The following PLPPR1 variants were observed in gnomAD, a reference collection of about 807,000 sequenced individuals.
The protein encoded by PLPPR1 is phospholipid phosphatase-related protein type 1.
A neutral mutation model predicts 33.1 loss-of-function variants in PLPPR1; 10 were observed. That is an observed-to-expected ratio of 0.30 (90% confidence interval 0.19 to 0.51). The LOEUF is 0.51. PLPPR1 is among the 20% of genes least tolerant of loss of function. The pLI, the probability that PLPPR1 is intolerant of heterozygous loss-of-function variation, is 0.97. For missense variants in PLPPR1, 304 were observed against 408.1 expected (o/e 0.74, Z 2.20); for synonymous variants, 151 against 151.0 (o/e 1.00, Z 0.00).
intron 1 of PLPPR1, among the ~76,000 whole-genome samples, chr9:101,118,541 T>C (rs1203207681): frequency 6.6e-6 from 1 of 152,094 alleles, no homozygotes; most frequent in East Asian, 1.9e-4. Context: ...TGCACATTGG[T>C]TGAGATAAAG....
chr9:101,190,380 ACTAT>A (rs933909962), intron 2 of PLPPR1, among the ~76,000 whole-genome samples: 194 of 152,306 alleles, frequency 1.3e-3, no homozygotes, highest in African/African-American at 4.4e-3. Context: ...TTACATAGTA[ACTAT>A]CCTTCTGTAA....
At chr9:101,222,961 G>A (rs1196171431) in intron 2 of PLPPR1, among the ~76,000 whole-genome samples, 1 of 151,796 alleles carries the variant, frequency 6.6e-6, no homozygotes, top group Non-Finnish European at 1.5e-5. Context: ...CAGTGAAAGA[G>A]GCTACAGACT....
chr9:101,311,333 C>G (rs1232686409), intron 5 of PLPPR1, among the ~76,000 whole-genome samples: 1 of 152,128 alleles, frequency 6.6e-6, no homozygotes, highest in Non-Finnish European at 1.5e-5. Context: ...CAGATAAACC[C>G]TGATATAAGA....
intron 2 of PLPPR1, among the ~76,000 whole-genome samples, chr9:101,246,079 T>TAGATAGATAG (rs1477884700): frequency 1.5e-4 from 16 of 103,480 alleles, no homozygotes; most frequent in African/African-American, 5.3e-4. Flanking sequence ...TATATATATA[T>TAGATAGATAG]ATATATATAT....
At position 101,110,149 on chromosome 9, in the gene PLPPR1, A is replaced by C. The variant is rs992865861; in HGVS notation, c.-45-75301A>C. Among the ~76,000 whole-genome samples the C allele has an allele frequency of 4.5e-4, 69 of 152,376 alleles. No individual in the cohort carries two copies. In the Middle Eastern group the frequency reaches 0.014, roughly 30 times the overall value. On this transcript the variant is annotated intron_variant, in intron 1 of 7. Coordinates refer to ENST00000374874, the MANE Select transcript of PLPPR1 (RefSeq NM_207299.2). Reference sequence around the variant, plus strand: ...AGTTTTTAGCTAACAAATTAGCTGAAGAATAGCAGGAACAAGAATTTCACC... The same window carrying C: ...AGTTTTTAGCTAACAAATTAGCTGACGAATAGCAGGAACAAGAATTTCACC...
chr9:101,246,103 T>TAGATAG (rs1248690310), intron 2 of PLPPR1, among the ~76,000 whole-genome samples: 12 of 109,956 alleles, frequency 1.1e-4, no homozygotes, highest in South Asian at 2.9e-4. Context: ...TATATATATA[T>TAGATAG]ATATATAGAT....
At chr9:101,050,073 C>T (rs1057384674) in intron 1 of PLPPR1, among the ~76,000 whole-genome samples, 9 of 140,528 alleles carry the variant, frequency 6.4e-5, no homozygotes, top group East Asian at 4.3e-4. Flanking sequence ...TGCAGTGAGC[C>T]GAGATCGTGC....
intron 4 of PLPPR1, among the ~76,000 whole-genome samples, chr9:101,304,988 G>GA (rs139734502): frequency 0.048 from 7,227 of 150,674 alleles, 530 homozygotes; most frequent in African/African-American, 0.16. Flanking sequence ...ATACATTTAG[G>GA]AAAAAAAAAG....
chr9:101,070,345 T>C (rs1444909076), intron 1 of PLPPR1, among the ~76,000 whole-genome samples: 1 of 152,140 alleles, frequency 6.6e-6, no homozygotes, highest in Non-Finnish European at 1.5e-5. Context: ...GCTCAAATTG[T>C]TCCAGCCTTG....
At chr9:101,182,392 T>G (rs554435269) in intron 1 of PLPPR1, among the ~76,000 whole-genome samples, 1 of 151,912 alleles carries the variant, frequency 6.6e-6, no homozygotes, top group East Asian at 1.9e-4. Context: ...TTAAATGTTT[T>G]GGTAGTAAAA....
intron 2 of PLPPR1, among the ~76,000 whole-genome samples, chr9:101,199,613 G>A (rs1031033960): frequency 2.6e-5 from 4 of 152,180 alleles, no homozygotes; most frequent in Non-Finnish European, 5.9e-5. Context: ...GACTGGCAAA[G>A]TGTTAACTCA....
chr9:101,153,300 G>C (rs1474199218), intron 1 of PLPPR1, among the ~76,000 whole-genome samples: 3 of 152,166 alleles, frequency 2.0e-5, no homozygotes, highest in African/African-American at 4.8e-5. Context: ...TGGGTGGAGA[G>C]GATGGGGTTT....
chr9:101,116,212 G>T (rs1301507039), intron 1 of PLPPR1, among the ~76,000 whole-genome samples: 1 of 152,196 alleles, frequency 6.6e-6, no homozygotes, highest in Non-Finnish European at 1.5e-5. Context: ...ACTATAGTAT[G>T]TCTGTTATTA....
intron 2 of PLPPR1, among the ~76,000 whole-genome samples, chr9:101,245,515 T>C (rs1827573229): frequency 6.6e-6 from 1 of 152,044 alleles, no homozygotes; most frequent in African/African-American, 2.4e-5. Context: ...GAGAAGTCTC[T>C]GTGTCATTGA....
chr9:101,051,347 C>T (rs1830220909), intron 1 of PLPPR1, among the ~76,000 whole-genome samples: 1 of 151,984 alleles, frequency 6.6e-6, no homozygotes, highest in Non-Finnish European at 1.5e-5. Flanking sequence ...TCATTATTGC[C>T]CCATTACTCA....
At chr9:101,152,346 A>G (rs776518) in intron 1 of PLPPR1, among the ~76,000 whole-genome samples, 81,931 of 151,984 alleles carry the variant, frequency 0.54, 22,455 homozygotes, top group African/African-American at 0.61. Context: ...CATTCTGTAG[A>G]TTGCCTGTTC....
At chr9:101,319,877 T>C (rs976251632) in intron 7 of PLPPR1, among the ~76,000 whole-genome samples, 47 of 152,192 alleles carry the variant, frequency 3.1e-4, no homozygotes, top group Admixed American at 5.9e-4. Flanking sequence ...TCCTTGTAAA[T>C]GCTATCCCCC....
intron 1 of PLPPR1, among the ~76,000 whole-genome samples, chr9:101,080,144 C>A (rs75161598): frequency 1.3e-5 from 2 of 151,820 alleles, no homozygotes; most frequent in African/African-American, 4.8e-5. Flanking sequence ...TCTGATGATT[C>A]GATTTTTGAA....
intron 1 of PLPPR1, among the ~76,000 whole-genome samples, chr9:101,043,372 T>C (rs1473226735): frequency 6.6e-6 from 1 of 151,498 alleles, no homozygotes. Context: ...TATATACATA[T>C]GTATATACGT....
Sources: allele counts gnomAD v4.1 joint callset (sites outside exome capture counted in the v4.1 genomes callset), GRCh38; gene constraint gnomAD v4.1.1; transcripts MANE v1.5; gene names NCBI Gene and HGNC (gene_info 2026-07-23, HGNC 2026-07-21).